DIP2A: variants seen among roughly 807,000 people sequenced by gnomAD.
The protein encoded by DIP2A is disco-interacting protein 2 homolog A.
Under a neutral mutation model 177.4 loss-of-function variants are expected in DIP2A, and 85 were observed. That is an observed-to-expected ratio of 0.48 (90% CI 0.40 to 0.57). DIP2A has a LOEUF of 0.57. Among genes scored for constraint, DIP2A ranks in the 20% least tolerant of loss-of-function variants. The probability of loss-of-function intolerance (pLI) is 0.00; values close to 1 mark genes in which losing one functional copy is unlikely to be tolerated. For missense variants in DIP2A, 1,791 were observed against 2,100.2 expected (o/e 0.85, Z 2.88); for synonymous variants, 886 against 881.8 (o/e 1.00, Z -0.08).
rs1276632644 is a variant in DIP2A, at chr21:46,558,372, C to A, written c.3948C>A (p.Val1316=). 3 of 1,594,008 alleles carry A rather than the reference C, an allele frequency of 1.9e-6. No individual in the cohort carries two copies. Among genetic ancestry groups the A allele is most frequent in the Non-Finnish European group, 2.6e-6 (3 of 1,172,654 alleles). The part of the protein sequence containing the change: ...RAVSTTFGCR[V]NVAICLQGTA... ...TAAGCACCACGTTCGGGTGCAGGGT[C>A]AACGTGGCCATCTGCCTCCAGGTGA... The change falls in exon 32 of 38, where the codon GTC becomes GTA. Residue 1316 remains valine, a synonymous_variant. Coordinates refer to ENST00000417564, the MANE Select transcript of DIP2A (RefSeq NM_015151.4).
intron 21 of DIP2A, 108 bp from the exon 22 acceptor site, chr21:46,549,663 G>A: frequency 6.5e-7 from 1 of 1,529,666 alleles, no homozygotes; most frequent in Non-Finnish European, 8.8e-7. Context: ...TTGATAGACT[G>A]CATTTTAAAT....
At position 46,526,004 on chromosome 21, in the gene DIP2A, G is replaced by A. The variant is rs1242894201; in HGVS notation, c.1103-3088G>A. 2.0e-5 allele frequency among the ~76,000 whole-genome samples: 3 copies of A among 151,330 alleles called. No homozygotes were observed. The East Asian group carries it at 5.8e-4, about 29-fold the overall frequency. On this transcript the variant is annotated intron_variant, in intron 8 of 37. Transcript: ENST00000417564. ...GCTCACTGCAACCTCTGCCTCCCGG[G>A]TTCAAGTGATTCTTCTGCCTCAGTC... is the stretch of plus-strand genomic sequence containing the variant.
At chr21:46,522,809 A>G (rs978117148) in intron 8 of DIP2A, among the ~76,000 whole-genome samples, 2 of 152,210 alleles carry the variant, frequency 1.3e-5, no homozygotes, top group East Asian at 1.9e-4. Context: ...TCTTCCCAAA[A>G]TGGGGTCTGT....
the DIP2A span, among the ~76,000 whole-genome samples, chr21:46,578,575 A>G: frequency 6.6e-6 from 1 of 152,212 alleles, no homozygotes; most frequent in Non-Finnish European, 1.5e-5. Flanking sequence ...CTCATTCGGT[A>G]TGAAATTGGC....
chr21:46,477,570 T>TGTGTGTGTGTG (rs1180881454), intron 1 of DIP2A, among the ~76,000 whole-genome samples: 7 of 127,928 alleles, frequency 5.5e-5, no homozygotes, highest in Non-Finnish European at 8.3e-5. Context: ...TGTGTGTGTA[T>TGTGTGTGTGTG]TTCTTTTTTT....
At chr21:46,514,936 A>C (rs73152848) in intron 8 of DIP2A, among the ~76,000 whole-genome samples, 2,191 of 152,192 alleles carry the variant, frequency 0.014, 25 homozygotes, top group Non-Finnish European at 0.021. Flanking sequence ...AATTTGGTGA[A>C]TTATTTTGAT....
At chr21:46,466,315 A>C (rs932903208) in intron 1 of DIP2A, among the ~76,000 whole-genome samples, 3 of 147,858 alleles carry the variant, frequency 2.0e-5, no homozygotes, top group Non-Finnish European at 4.5e-5. Context: ...AAGTTCACTG[A>C]TAAGAGTTAT....
At position 46,556,818 on chromosome 21, in the gene DIP2A, TATG is replaced by T. The variant is rs1391661440; in HGVS notation, c.3499-117_3499-115del. The T allele has an allele frequency of 1.2e-6, 1 of 853,548 alleles. No individual in the cohort carries two copies. Among genetic ancestry groups the T allele is most frequent in the Non-Finnish European group, 1.7e-6 (1 of 583,678 alleles). 52.9% of individuals were successfully genotyped at this position (853,548 alleles called of 1,614,324 possible). A position where few individuals can be genotyped will look rare whatever the true frequency, so the allele number is the denominator to read the frequency against. Reference sequence around the variant, plus strand: ...GCCAACCGTCTTTTAAGGAAATAAATATGATGTTTGGTAGTTCGGAGCTATGGT... The same window carrying T: ...GCCAACCGTCTTTTAAGGAAATAAATATGTTTGGTAGTTCGGAGCTATGGT... On this transcript the variant is annotated intron_variant, in intron 29 of 37. Transcript: ENST00000417564. The surrounding 1 kb of genome is among the most constrained non-coding windows in gnomAD (Gnocchi z 4.5).
At chr21:46,472,025 A>G (rs1851424906) in intron 1 of DIP2A, among the ~76,000 whole-genome samples, 1 of 152,246 alleles carries the variant, frequency 6.6e-6, no homozygotes, top group Non-Finnish European at 1.5e-5. Flanking sequence ...AAAGGACACA[A>G]TTGTTGGTAT....
chr21:46,578,664 A>C, the DIP2A span, among the ~76,000 whole-genome samples: 1 of 152,210 alleles, frequency 6.6e-6, no homozygotes, highest in African/African-American at 2.4e-5. Flanking sequence ...TATTAATGTG[A>C]AGGGATGTTG....
chr21:46,518,319 G>A (rs1646548001), intron 8 of DIP2A, among the ~76,000 whole-genome samples: 1 of 152,140 alleles, frequency 6.6e-6, no homozygotes, highest in South Asian at 2.1e-4. Context: ...ACATTGCTGA[G>A]ATGGCATCAC....
At chr21:46,468,049 A>T (rs1397187556) in intron 1 of DIP2A, among the ~76,000 whole-genome samples, 1 of 151,952 alleles carries the variant, frequency 6.6e-6, no homozygotes, top group African/African-American at 2.4e-5. Context: ...GGATCACTTG[A>T]GGCCAGGAGT....
chr21:46,503,704 T>TTTCC (rs1225679587), intron 5 of DIP2A, among the ~76,000 whole-genome samples: 2 of 149,834 alleles, frequency 1.3e-5, no homozygotes, highest in African/African-American at 4.9e-5. Context: ...CTTCTTTCTC[T>TTTCC]TTCCTTCCTT....
In DIP2A at chr21:46,534,699, CG is replaced by C; in HGVS notation, c.1642+17del. 1.2e-6 allele frequency: 2 copies of C among 1,601,858 alleles called. No individual in the cohort carries two copies. The stretch of plus-strand genomic sequence containing the variant: ...CGGGTACTCAGAAGGTAAGGGCTCT[CG>C]GGGGTGGGGCGGTGGCCCCTCCAGC... On this transcript the variant is annotated intron_variant, in intron 13 of 37. Transcript: ENST00000417564.
intron 7 of DIP2A, among the ~76,000 whole-genome samples, chr21:46,510,233 T>C (rs1323765212): frequency 6.6e-6 from 1 of 152,172 alleles, no homozygotes; most frequent in African/African-American, 2.4e-5. Flanking sequence ...AGGTGTAGGC[T>C]GGGAGGCTAG....
At chr21:46,517,503 G>A (rs2058640335) in intron 8 of DIP2A, among the ~76,000 whole-genome samples, 1 of 152,184 alleles carries the variant, frequency 6.6e-6, no homozygotes, top group Non-Finnish European at 1.5e-5. Flanking sequence ...CTGCAGTCCA[G>A]TCATGCCTGG....
At chr21:46,513,931 G>A (rs920593692) in intron 8 of DIP2A, among the ~76,000 whole-genome samples, 5 of 152,068 alleles carry the variant, frequency 3.3e-5, no homozygotes, top group African/African-American at 1.2e-4. Context: ...TTACAATTAT[G>A]GAATCTTCCA....
In DIP2A at chr21:46,490,668, AAGC is replaced by A. The variant is rs758982339; in HGVS notation, c.238_240del (p.Gln80del). ...CTCACAAACCACGGCCGCTGCACCCAAGCAGCAGAAGTCTCGGCCCACCGCCTC... is the reference window on the plus strand; with the variant it reads ...CTCACAAACCACGGCCGCTGCACCCAAGCAGAAGTCTCGGCCCACCGCCTC... On this transcript the variant is annotated inframe_deletion, in exon 3 of 38. Transcript: ENST00000417564. 3 of 1,590,458 alleles carry A rather than the reference AAGC, an allele frequency of 1.9e-6. No individual in the cohort carries two copies. The Admixed American group carries it at 5.3e-5, about 28-fold the overall frequency.
rs1882631958 is a variant in DIP2A, at chr21:46,490,647, C to G, written c.211C>G (p.Gln71Glu). 1 of 1,587,804 alleles carries G rather than the reference C, an allele frequency of 6.3e-7. No homozygotes were observed. The highest frequency in any genetic ancestry group is 8.6e-7 in the Non-Finnish European group (1 of 1,167,106). Reference protein sequence around the residue: ...QAENRIPGPSQTTAAAPKQQK... With the variant: ...QAENRIPGPSETTAAAPKQQK... ...AGAGAATAGAATTCCTGGGCCCTCA[C>G]AAACCACGGCCGCTGCACCCAAGCA... is the stretch of plus-strand genomic sequence containing the variant. The change falls in exon 3 of 38, where the codon CAA becomes GAA. Residue 71 changes from glutamine to glutamate, a missense_variant. Coordinates refer to ENST00000417564, the MANE Select transcript of DIP2A (RefSeq NM_015151.4).
Sources: gnomAD v4.1 joint callset for allele counts (sites outside exome capture counted in the v4.1 genomes callset) on GRCh38, gnomAD v4.1.1 for gene constraint, Gnocchi (gnomAD v3.1) non-coding constraint, MANE v1.5 for transcripts, NCBI Gene and HGNC (gene_info 2026-07-23, HGNC 2026-07-21) for gene names.